Variants in SKAP2 observed in about 807,000 individuals in gnomAD.
SKAP2 encodes the protein src kinase associated phosphoprotein 2.
Under a neutral mutation model 54.9 loss-of-function variants are expected in SKAP2, and 28 were observed. That is an observed-to-expected ratio of 0.51 (90% CI 0.38 to 0.70). SKAP2 has a LOEUF of 0.70. Among genes scored for constraint, SKAP2 ranks in the 30% least tolerant of loss-of-function variants. SKAP2 has a pLI of 0.00. For synonymous variants in SKAP2, 137 were observed against 134.3 expected, an observed-to-expected ratio of 1.02 and a Z score of -0.14; for missense variants, 356 against 424.1, an observed-to-expected ratio of 0.84 and a Z score of 1.41.
chr7:26,796,610 C>A (rs146247511), intron 4 of SKAP2, among the ~76,000 whole-genome samples: 177 of 152,332 alleles, frequency 1.2e-3, no homozygotes, highest in Admixed American at 3.5e-3. Context: ...GGCTGCCTGC[C>A]ATTTCGGACA....
Position 26,716,765 on chromosome 7 carries a change from C to T in SKAP2, c.796+8663G>A, listed in dbSNP as rs1255920636. Among the ~76,000 whole-genome samples the T allele has an allele frequency of 2.0e-5, 3 of 152,226 alleles. No individual in the cohort carries two copies. In the East Asian group the frequency reaches 5.8e-4, roughly 29 times the overall value. Reference sequence around the variant, plus strand: ...TACTTAACTCTAAAATTTTAACATACATTTCCTAACAAAAATTAAAATTAG... The same window carrying T: ...TACTTAACTCTAAAATTTTAACATATATTTCCTAACAAAAATTAAAATTAG... On this transcript the variant is annotated intron_variant, in intron 9 of 12. Transcript: ENST00000345317.
intron 4 of SKAP2, among the ~76,000 whole-genome samples, chr7:26,810,901 C>CAACATGA (rs1784128654): frequency 3.9e-5 from 6 of 152,106 alleles, no homozygotes; most frequent in African/African-American, 1.4e-4. Flanking sequence ...AAGATGGTCT[C>CAACATGA]GATCTCTTGA....
At chr7:26,802,708 C>T (rs1358767492) in intron 4 of SKAP2, among the ~76,000 whole-genome samples, 1 of 151,922 alleles carries the variant, frequency 6.6e-6, no homozygotes, top group African/African-American at 2.4e-5. Context: ...TGGTGAAACC[C>T]AGTCTCTACT....
chr7:26,729,527 C>T (rs1307367106), intron 6 of SKAP2, among the ~76,000 whole-genome samples: 7 of 151,858 alleles, frequency 4.6e-5, no homozygotes, highest in African/African-American at 1.7e-4. Flanking sequence ...AAGGCTGAGA[C>T]AAGTAGAAAT....
chr7:26,662,450 C>A (rs2128081576), downstream of SKAP2, among the ~76,000 whole-genome samples: 3 of 152,164 alleles, frequency 2.0e-5, no homozygotes, highest in South Asian at 6.2e-4. Context: ...GCTTAACCTG[C>A]TAAGAACTGT....
At chr7:26,848,509 G>T (rs1008683872) in intron 3 of SKAP2, among the ~76,000 whole-genome samples, 2 of 143,160 alleles carry the variant, frequency 1.4e-5, no homozygotes, top group African/African-American at 5.1e-5. Context: ...CTTAGGTTCC[G>T]TCCCCCAAGA....
At chr7:26,677,644 G>A (rs549830585) in intron 11 of SKAP2, among the ~76,000 whole-genome samples, 199 of 152,168 alleles carry the variant, frequency 1.3e-3, no homozygotes, top group African/African-American at 4.6e-3. Flanking sequence ...AGTATTTACT[G>A]ACTTCCCTTT....
At chr7:26,769,283 T>C (rs1163623527) in intron 4 of SKAP2, among the ~76,000 whole-genome samples, 3 of 152,216 alleles carry the variant, frequency 2.0e-5, no homozygotes, top group Non-Finnish European at 4.4e-5. Context: ...GAAGTTCTCA[T>C]GCTGTGTTTT....
intron 4 of SKAP2, among the ~76,000 whole-genome samples, chr7:26,818,831 T>C (rs1390746204): frequency 1.3e-5 from 2 of 152,220 alleles, no homozygotes; most frequent in African/African-American, 4.8e-5. Flanking sequence ...AAGCTCATCA[T>C]CACTGGTCAT....
intron 1 of SKAP2, among the ~76,000 whole-genome samples, chr7:26,863,119 A>T (rs2128000086): frequency 6.6e-6 from 1 of 152,318 alleles, no homozygotes; most frequent in African/African-American, 2.4e-5. Flanking sequence ...CCACAAATGC[A>T]TTCAACATAC....
At chr7:26,811,065 A>G (rs896257588) in intron 4 of SKAP2, among the ~76,000 whole-genome samples, 2 of 152,222 alleles carry the variant, frequency 1.3e-5, no homozygotes, top group South Asian at 4.1e-4. Flanking sequence ...ACCAGTCACA[A>G]AGCAAGTCTC....
At chr7:26,779,829 C>G (rs1399596289) in intron 4 of SKAP2, among the ~76,000 whole-genome samples, 1 of 151,854 alleles carries the variant, frequency 6.6e-6, no homozygotes, top group Non-Finnish European at 1.5e-5. Context: ...GACAGGAGAG[C>G]CTGTTATACA....
intron 11 of SKAP2, among the ~76,000 whole-genome samples, chr7:26,675,772 G>A (rs1786337309): frequency 6.6e-6 from 1 of 152,224 alleles, no homozygotes; most frequent in Admixed American, 6.5e-5. Context: ...GTAGCTGAGT[G>A]GGCGATCTGA....
At chr7:26,826,832 A>C (rs1784501354) in intron 4 of SKAP2, among the ~76,000 whole-genome samples, 1 of 152,200 alleles carries the variant, frequency 6.6e-6, no homozygotes, top group African/African-American at 2.4e-5. Context: ...CTAAAAGTAA[A>C]ATCTATTGAA....
At chr7:26,701,264 C>G (rs1787015370) in intron 9 of SKAP2, among the ~76,000 whole-genome samples, 1 of 152,154 alleles carries the variant, frequency 6.6e-6, no homozygotes. Flanking sequence ...AGAAAAGGAG[C>G]AAATAGAAAC....
At chr7:26,767,357 C>T (rs553962798) in intron 4 of SKAP2, among the ~76,000 whole-genome samples, 1 of 152,264 alleles carries the variant, frequency 6.6e-6, no homozygotes, top group Admixed American at 6.5e-5. Flanking sequence ...ATTCTCTTCT[C>T]TTTTCTTCTT....
chr7:26,772,260 A>G (rs1783204548), intron 4 of SKAP2, among the ~76,000 whole-genome samples: 1 of 152,162 alleles, frequency 6.6e-6, no homozygotes, highest in Admixed American at 6.5e-5. Flanking sequence ...TCGGGGGTAC[A>G]TGTGTAGGTT....
intron 4 of SKAP2, among the ~76,000 whole-genome samples, chr7:26,795,356 A>G (rs1422453402): frequency 3.9e-5 from 6 of 152,200 alleles, no homozygotes; most frequent in Admixed American, 3.9e-4. Flanking sequence ...TTCCTACCAG[A>G]AAGCTCCAAG....
chr7:26,777,509 T>G (rs1783337374), intron 4 of SKAP2, among the ~76,000 whole-genome samples: 1 of 152,164 alleles, frequency 6.6e-6, no homozygotes, highest in Non-Finnish European at 1.5e-5. Flanking sequence ...TTCTGTCAAT[T>G]TTCTTGCTAT....
Sources: gnomAD v4.1 joint callset for allele counts (sites outside exome capture counted in the v4.1 genomes callset) on GRCh38, gnomAD v4.1.1 for gene constraint, MANE v1.5 for transcripts, NCBI Gene and HGNC (gene_info 2026-07-23, HGNC 2026-07-21) for gene names.